FANK1: variants seen among roughly 807,000 people sequenced by gnomAD.
FANK1 encodes the protein fibronectin type III and ankyrin repeat domains 1.
FANK1 carries 44 observed loss-of-function variants against 45.3 expected under a neutral mutation model. The ratio of observed to expected loss-of-function variants is 0.97; its 90% confidence interval spans 0.76 to 1.25. FANK1 has a LOEUF of 1.25. Among genes scored for constraint, FANK1 ranks in the 50% most tolerant of loss-of-function variants. The pLI is 0.00. For missense variants in FANK1, 391 were observed against 424.4 expected (o/e 0.92, Z 0.69); for synonymous variants, 149 against 152.5 (o/e 0.98, Z 0.17).
chr10:125,944,353 C>A (rs995419055), intron 1 of FANK1, among the ~76,000 whole-genome samples: 1 of 152,158 alleles, frequency 6.6e-6, no homozygotes, highest in Non-Finnish European at 1.5e-5. Flanking sequence ...TATAGTTTTC[C>A]AGGCACTCAT....
At chr10:125,944,285 G>A (rs1036912265) in intron 1 of FANK1, among the ~76,000 whole-genome samples, 3 of 152,042 alleles carry the variant, frequency 2.0e-5, no homozygotes, top group Admixed American at 6.5e-5. Context: ...CCCTTATTTT[G>A]ATTAATTCTC....
rs397791576 is a variant in FANK1 at position 125,981,515 on chromosome 10, A to AAAAAT, written c.191+1177_191+1178insAAAAT. Reference sequence around the variant, plus strand: ...CTGTCTCAAAAAAAAAAAAAAAAAAAGTTATGTTTTTCTTCTTAGTCTTCA... The same window carrying AAAAAT: ...CTGTCTCAAAAAAAAAAAAAAAAAAAAAAATGTTATGTTTTTCTTCTTAGTCTTCA... On this transcript the variant is annotated intron_variant, in intron 2 of 10. Transcript: ENST00000368693. 4.3e-3 allele frequency among the ~76,000 whole-genome samples: 629 copies of AAAAAT among 146,820 alleles called. 8 individuals carry two copies. The highest frequency in any genetic ancestry group is 0.014 in the African/African-American group (573 of 40,244).
chr10:125,978,758 A>G (rs1263628636), intron 1 of FANK1, among the ~76,000 whole-genome samples: 3 of 152,144 alleles, frequency 2.0e-5, no homozygotes, highest in Non-Finnish European at 2.9e-5. Context: ...GGGTGGTGCA[A>G]TGCCGCTACT....
intron 1 of FANK1, among the ~76,000 whole-genome samples, chr10:125,930,608 A>AT (rs1947689898): frequency 6.6e-6 from 1 of 151,018 alleles, no homozygotes. Flanking sequence ...AAGTTCTGGG[A>AT]TTACAAGTAG....
chr10:125,914,341 C>T (rs535428587), intron 1 of FANK1, among the ~76,000 whole-genome samples: 1 of 150,130 alleles, frequency 6.7e-6, no homozygotes, highest in East Asian at 1.9e-4. Context: ...ACACCCCAGC[C>T]TCAGGTAGTG....
intron 1 of FANK1, among the ~76,000 whole-genome samples, chr10:125,956,956 G>A (rs1370060012): frequency 2.6e-5 from 4 of 152,150 alleles, no homozygotes; most frequent in Non-Finnish European, 5.9e-5. Flanking sequence ...CCGGGTTCAA[G>A]CGATTCTCCT....
chr10:125,994,585 A>AT (rs1952179416), intron 3 of FANK1: 1 of 985,174 alleles, frequency 1.0e-6, no homozygotes, highest in African/African-American at 1.7e-5. Context: ...GTCAGGTGCT[A>AT]TTCGAAGTGC....
chr10:125,981,532 T>G (rs1370439108), intron 2 of FANK1, among the ~76,000 whole-genome samples: 3 of 152,002 alleles, frequency 2.0e-5, no homozygotes, highest in African/African-American at 7.3e-5. Context: ...TTTTTCTTCT[T>G]AGTCTTCATA....
chr10:125,967,995 A>C (rs559837555), intron 1 of FANK1, among the ~76,000 whole-genome samples: 2 of 152,326 alleles, frequency 1.3e-5, no homozygotes, highest in South Asian at 4.1e-4. Flanking sequence ...TCACAGTCTT[A>C]AACAACACTG....
At chr10:125,987,292 T>C (rs1213522609) in intron 2 of FANK1, among the ~76,000 whole-genome samples, 1 of 152,138 alleles carries the variant, frequency 6.6e-6, no homozygotes, top group Non-Finnish European at 1.5e-5. Context: ...GGAATTGATG[T>C]ATAAATATTT....
At chr10:125,897,263 A>G (rs1247904407) in intron 1 of FANK1, among the ~76,000 whole-genome samples, 2 of 152,254 alleles carry the variant, frequency 1.3e-5, no homozygotes, top group Admixed American at 1.3e-4. Context: ...CTGTTTTCCC[A>G]TGTTGCTTTC....
chr10:125,918,855 G>A (rs923141326), intron 1 of FANK1, among the ~76,000 whole-genome samples: 8 of 151,704 alleles, frequency 5.3e-5, no homozygotes, highest in African/African-American at 1.7e-4. Context: ...GAAATTGCAG[G>A]GGAGAATCTC....
At chr10:125,918,585 A>AAAAAATATAT (rs1554913277) in intron 1 of FANK1, among the ~76,000 whole-genome samples, 31 of 70,946 alleles carry the variant, frequency 4.4e-4, no homozygotes, top group African/African-American at 1.8e-3. Flanking sequence ...AAAAAAAAAA[A>AAAAAATATAT]ATATATATAT....
chr10:125,990,855 G>GA (rs1951878384), intron 3 of FANK1, among the ~76,000 whole-genome samples: 1 of 152,222 alleles, frequency 6.6e-6, no homozygotes, highest in South Asian at 2.1e-4. Flanking sequence ...GGAAGGCAAA[G>GA]AAGGAGTAAA....
chr10:125,949,955 A>G (rs1233482848), intron 1 of FANK1, among the ~76,000 whole-genome samples: 2 of 130,388 alleles, frequency 1.5e-5, no homozygotes, highest in Admixed American at 7.7e-5. Flanking sequence ...CCTCAGAAAT[A>G]ACGCCGCATA....
At chr10:126,005,116 T>A in intron 7 of FANK1, 67 bp downstream of exon 7, 1 of 1,531,648 alleles carries the variant, frequency 6.5e-7, no homozygotes. Context: ...CCATGGGGTC[T>A]GGCAGAAGCA....
chr10:125,943,957 T>A (rs1004359176), intron 1 of FANK1, among the ~76,000 whole-genome samples: 1 of 152,254 alleles, frequency 6.6e-6, no homozygotes, highest in Admixed American at 6.5e-5. Context: ...GTGAAAGCAT[T>A]GTGGAATCTT....
intron 1 of FANK1, among the ~76,000 whole-genome samples, chr10:125,956,251 G>T (rs1949573985): frequency 6.6e-6 from 1 of 151,752 alleles, no homozygotes; most frequent in African/African-American, 2.4e-5. Flanking sequence ...CCAGGATGAG[G>T]ATTGAATATA....
At chr10:125,978,630 G>A (rs1320417263) in intron 1 of FANK1, among the ~76,000 whole-genome samples, 1 of 152,130 alleles carries the variant, frequency 6.6e-6, no homozygotes, top group African/African-American at 2.4e-5. Flanking sequence ...ATGCTGTACT[G>A]GGGGATCCCT....
Sources: allele counts gnomAD v4.1 joint callset (sites outside exome capture counted in the v4.1 genomes callset), GRCh38; gene constraint gnomAD v4.1.1; transcripts MANE v1.5; gene names NCBI Gene and HGNC (gene_info 2026-07-23, HGNC 2026-07-21).